Variants in MBTPS1 observed in about 807,000 individuals in gnomAD.
MBTPS1 encodes the protein membrane bound transcription factor peptidase, site 1.
A neutral mutation model predicts 127.8 loss-of-function variants in MBTPS1; 94 were observed. That is an observed-to-expected ratio of 0.74 (90% CI 0.62 to 0.87). The LOEUF is 0.87. Among genes scored for constraint, MBTPS1 ranks in the 40% least tolerant of loss-of-function variants. MBTPS1 has a pLI of 0.00. For synonymous variants in MBTPS1, 632 were observed against 509.4 expected (o/e 1.24, Z -3.24); for missense variants, 1,636 against 1,353.2 (o/e 1.21, Z -3.28).
rs1358447541 is a variant in MBTPS1, at chr16:84,099,278, C to T, written c.196G>A (p.Ala66Thr). ...YIVAFNGYFT[A>T]KARNSFISSA... Reference sequence around the variant, plus strand: ...GAAATAAATGAATTTCTAGCTTTGGCTGTAAAGTATCCATTGAAAGCCACA... The same window carrying T: ...GAAATAAATGAATTTCTAGCTTTGGTTGTAAAGTATCCATTGAAAGCCACA... The change falls in exon 3 of 23, where the codon GCC (alanine) becomes ACC (threonine). Residue 66 changes from alanine to threonine, a missense_variant. Coordinates refer to ENST00000343411, the MANE Select transcript of MBTPS1 (RefSeq NM_003791.4). 1 of 1,613,984 alleles carries T rather than the reference C, an allele frequency of 6.2e-7. No individual in the cohort carries two copies. The highest frequency in any genetic ancestry group is 1.7e-5 in the Admixed American group (1 of 59,994).
chr16:84,094,374 C>T (rs1171188790), intron 4 of MBTPS1, among the ~76,000 whole-genome samples: 13 of 152,238 alleles, frequency 8.5e-5, no homozygotes, highest in Admixed American at 6.5e-5. Context: ...ATTAACACCA[C>T]ATGCGGCTAA....
chr16:84,079,586 A>T (rs1367400847), intron 11 of MBTPS1, among the ~76,000 whole-genome samples: 3 of 152,238 alleles, frequency 2.0e-5, no homozygotes, highest in Non-Finnish European at 4.4e-5. Context: ...GCAGTTCCAA[A>T]GCTGCTCAGT....
At chr16:84,079,511 G>A (rs554797588) in intron 11 of MBTPS1, among the ~76,000 whole-genome samples, 36 of 152,260 alleles carry the variant, frequency 2.4e-4, no homozygotes, top group Admixed American at 6.5e-4. Context: ...GTATTCTGTA[G>A]GGCCAAAGAT....
In MBTPS1 at chr16:84,112,673, A is replaced by C. The variant is rs1051942658; in HGVS notation, c.-325+4062T>G. ...CGAGACTCGGTCTCAAAAAAAACAA[A>C]AAAAAACAAAAAAAGAATACGCCGG... On this transcript the variant is annotated intron_variant, in intron 1 of 22. Coordinates refer to ENST00000343411, the MANE Select transcript of MBTPS1 (RefSeq NM_003791.4). 1.7e-4 allele frequency among the ~76,000 whole-genome samples: 26 copies of C among 149,998 alleles called. 1 individual carries two copies. Among genetic ancestry groups the C allele is most frequent in the South Asian group, 6.3e-4 (3 of 4,744 alleles).
chr16:84,055,288 G>C (rs1327143656), intron 22 of MBTPS1, among the ~76,000 whole-genome samples: 1 of 152,202 alleles, frequency 6.6e-6, no homozygotes, highest in African/African-American at 2.4e-5. Flanking sequence ...TCCAGGGCTG[G>C]ACTGCACAGA....
chr16:84,090,325 C>A (rs1406460129), intron 8 of MBTPS1, among the ~76,000 whole-genome samples: 1 of 151,252 alleles, frequency 6.6e-6, no homozygotes, highest in African/African-American at 2.4e-5. Context: ...AGCACAAAGG[C>A]CCCCCTGTGA....
chr16:84,079,860 C>A (rs147403349), intron 11 of MBTPS1, among the ~76,000 whole-genome samples: 194 of 152,320 alleles, frequency 1.3e-3, no homozygotes, highest in African/African-American at 4.5e-3. Flanking sequence ...TGTCTGTGCA[C>A]GTGTCCACAC....
Position 84,099,034 on chromosome 16 carries a change from C to G in MBTPS1, c.421+19G>C, listed in dbSNP as rs1403633083. The G allele has an allele frequency of 1.2e-6, 2 of 1,609,166 alleles. No homozygotes were observed. Among genetic ancestry groups the G allele is most frequent in the Non-Finnish European group, 8.5e-7 (1 of 1,176,754 alleles). ...AAGTAAACAGCAGAGAGAAATTTGC[C>G]TACAGTCACAATACTCACATTCAGC... On this transcript the variant is annotated intron_variant, in intron 3 of 22. Transcript: ENST00000343411.
intron 20 of MBTPS1, chr16:84,060,397 TG>T (rs2085591455): frequency 3.0e-6 from 1 of 329,884 alleles, no homozygotes; most frequent in Non-Finnish European, 5.7e-6. Context: ...TGTCCTCACC[TG>T]TGAGAGCGGG....
chr16:84,088,291 C>A (rs186983730), intron 8 of MBTPS1, among the ~76,000 whole-genome samples: 43 of 152,180 alleles, frequency 2.8e-4, no homozygotes, highest in African/African-American at 9.9e-4. Context: ...GCATGAAGTT[C>A]TCCTTCTAGA....
At chr16:84,110,681 G>C (rs1303508396) in intron 1 of MBTPS1, 1 of 152,178 alleles carries the variant, frequency 6.6e-6, no homozygotes, top group East Asian at 1.9e-4. Flanking sequence ...TTTCAGATGA[G>C]AACTGAGACC....
chr16:84,058,124 G>A (rs905484242), intron 21 of MBTPS1: 1 of 152,240 alleles, frequency 6.6e-6, no homozygotes, highest in Non-Finnish European at 1.5e-5. Flanking sequence ...AGTACCCAGT[G>A]ATTAAGGTTC....
intron 12 of MBTPS1, chr16:84,071,850 T>C (rs1342218916): frequency 3.3e-5 from 5 of 152,194 alleles, no homozygotes; most frequent in Admixed American, 6.5e-5. Flanking sequence ...AATTTCTCTA[T>C]GACAGGGCGA....
intron 8 of MBTPS1, among the ~76,000 whole-genome samples, chr16:84,090,346 C>A (rs968836040): frequency 1.3e-5 from 2 of 152,204 alleles, no homozygotes; most frequent in Admixed American, 6.5e-5. Context: ...CACTGTCCTC[C>A]CTGCCTCCCT....
chr16:84,109,576 T>G (rs1340682305), intron 1 of MBTPS1: 1 of 152,168 alleles, frequency 6.6e-6, no homozygotes, highest in Non-Finnish European at 1.5e-5. Context: ...CTGACAAAGA[T>G]GCACAACCTG....
chr16:84,070,520 G>T, intron 13 of MBTPS1, 68 bp downstream of exon 13: 1 of 1,511,192 alleles, frequency 6.6e-7, no homozygotes, highest in South Asian at 1.1e-5. Flanking sequence ...CAGGCATTTG[G>T]CCTGTCCCTC....
chr16:84,115,515 T>C (rs998086007), intron 1 of MBTPS1, among the ~76,000 whole-genome samples: 8 of 152,230 alleles, frequency 5.3e-5, no homozygotes, highest in Admixed American at 3.3e-4. Context: ...AAACAAAATG[T>C]GGTATAGCCA....
At chr16:84,055,728 G>C (rs2085512331) in intron 22 of MBTPS1, among the ~76,000 whole-genome samples, 1 of 152,240 alleles carries the variant, frequency 6.6e-6, no homozygotes, top group Admixed American at 6.5e-5. Flanking sequence ...AAGTTACTTT[G>C]AACATGTTTA....
At chr16:84,067,055 CTATAAA>C (rs1212686730) in intron 16 of MBTPS1, among the ~76,000 whole-genome samples, 3 of 151,908 alleles carry the variant, frequency 2.0e-5, no homozygotes, top group East Asian at 3.8e-4. Context: ...AAATTAATTA[CTATAAA>C]TATAAGTAAA....
Sources: gnomAD v4.1 joint callset for allele counts (sites outside exome capture counted in the v4.1 genomes callset) on GRCh38, gnomAD v4.1.1 for gene constraint, MANE v1.5 for transcripts, NCBI Gene and HGNC (gene_info 2026-07-23, HGNC 2026-07-21) for gene names.